PTPRT: variants seen among roughly 807,000 people sequenced by gnomAD.
PTPRT encodes the protein protein tyrosine phosphatase receptor type T.
Under a neutral mutation model 176.8 loss-of-function variants are expected in PTPRT, and 56 were observed. The ratio of observed to expected loss-of-function variants is 0.32; its 90% CI spans 0.26 to 0.40. The LOEUF (loss-of-function observed/expected upper bound fraction) is 0.40. Among genes scored for constraint, PTPRT ranks in the 10% least tolerant of loss-of-function variants. The pLI, the probability that PTPRT is intolerant of heterozygous loss-of-function variation, is 1.00. For missense variants in PTPRT, 1,540 were observed against 1,908.2 expected (o/e 0.81, Z 3.60); for synonymous variants, 783 against 739.0 (o/e 1.06, Z -0.96).
At chr20:42,754,815 C>A (rs991757251) in intron 6 of PTPRT, among the ~76,000 whole-genome samples, 2 of 152,058 alleles carry the variant, frequency 1.3e-5, no homozygotes, top group Admixed American at 6.6e-5. Context: ...TTCTATCAGT[C>A]CACACATTTT....
At chr20:42,785,416 C>T (rs973086896) in intron 3 of PTPRT, among the ~76,000 whole-genome samples, 1 of 152,164 alleles carries the variant, frequency 6.6e-6, no homozygotes, top group Admixed American at 6.5e-5. Flanking sequence ...ATGTACAGGA[C>T]CAGAGCTCCA....
intron 1 of PTPRT, among the ~76,000 whole-genome samples, chr20:43,031,951 T>A (rs533473371): frequency 2.6e-5 from 4 of 152,060 alleles, no homozygotes; most frequent in Non-Finnish European, 4.4e-5. Flanking sequence ...CCTGCCCCAG[T>A]CAAGGCAGAA....
rs2015401965 is a variant in PTPRT, at chr20:43,186,680, G to A, written c.88+2966C>T. On this transcript the variant is annotated intron_variant, in intron 1 of 30. Transcript: ENST00000373187. Reference sequence around the variant, plus strand: ...CAAGAATATGGTCTGCTTTTACTATGTGTTTGCGATTGTTGCTGGAACAGA... The same window carrying A: ...CAAGAATATGGTCTGCTTTTACTATATGTTTGCGATTGTTGCTGGAACAGA... Among the ~76,000 whole-genome samples the A allele has an allele frequency of 2.6e-5, 4 of 152,152 alleles. No individual in the cohort carries two copies. In the South Asian group the frequency reaches 8.3e-4, roughly 32 times the overall value.
At chr20:42,430,132 T>G (rs78869849) in intron 9 of PTPRT, among the ~76,000 whole-genome samples, 355 of 152,308 alleles carry the variant, frequency 2.3e-3, no homozygotes, top group African/African-American at 8.1e-3. Flanking sequence ...GTTTCTCTGA[T>G]TCTAACCCAT....
chr20:42,686,993 G>A (rs1222871985), intron 6 of PTPRT, among the ~76,000 whole-genome samples: 1 of 152,134 alleles, frequency 6.6e-6, no homozygotes, highest in African/African-American at 2.4e-5. Flanking sequence ...CCTGTAAACT[G>A]GGGATATAGT....
intron 9 of PTPRT, among the ~76,000 whole-genome samples, chr20:42,413,979 G>C (rs1013209570): frequency 6.6e-6 from 1 of 152,054 alleles, no homozygotes; most frequent in Non-Finnish European, 1.5e-5. Flanking sequence ...TCCTCCCGAG[G>C]AGCCACCATG....
At chr20:43,043,202 A>G (rs1986699149) in intron 1 of PTPRT, among the ~76,000 whole-genome samples, 1 of 152,142 alleles carries the variant, frequency 6.6e-6, no homozygotes, top group African/African-American at 2.4e-5. Flanking sequence ...AATACACTGT[A>G]TCTGGCAGGG....
intron 1 of PTPRT, among the ~76,000 whole-genome samples, chr20:42,889,528 G>A (rs544449112): frequency 9.2e-5 from 14 of 152,214 alleles, no homozygotes; most frequent in Non-Finnish European, 1.5e-4. Context: ...ATTCAGGACA[G>A]AAAATGGGGA....
At chr20:42,203,366 G>A (rs1419559122) in intron 15 of PTPRT, among the ~76,000 whole-genome samples, 2 of 151,858 alleles carry the variant, frequency 1.3e-5, no homozygotes, top group African/African-American at 4.8e-5. Flanking sequence ...CTGTGAATAG[G>A]GCAAACAAGA....
chr20:42,982,856 T>C (rs1983360858), intron 1 of PTPRT, among the ~76,000 whole-genome samples: 1 of 152,194 alleles, frequency 6.6e-6, no homozygotes, highest in Non-Finnish European at 1.5e-5. Flanking sequence ...CAGGCACAAT[T>C]CCTCTGTGCC....
chr20:42,762,762 A>G (rs979418000), intron 5 of PTPRT, among the ~76,000 whole-genome samples: 4 of 152,360 alleles, frequency 2.6e-5, no homozygotes, highest in South Asian at 2.1e-4. Flanking sequence ...GGAGGGATAC[A>G]TGTTCTAAAT....
intron 9 of PTPRT, among the ~76,000 whole-genome samples, chr20:42,429,114 G>C (rs748049361): frequency 6.6e-6 from 1 of 152,144 alleles, no homozygotes; most frequent in Non-Finnish European, 1.5e-5. Flanking sequence ...TAGTAGTCAG[G>C]TCATCTCAGG....
Position 42,431,923 on chromosome 20 carries a change from A to C in PTPRT, c.1560+16297T>G, listed in dbSNP as rs145843455. The stretch of plus-strand genomic sequence containing the variant: ...AGTGGTAACACAGGTAAGCATCATC[A>C]AAAAGAACTGCCTCTCACAACAGCA... On this transcript the variant is annotated intron_variant, in intron 9 of 30. Transcript: ENST00000373187. 3.4e-3 allele frequency among the ~76,000 whole-genome samples: 512 copies of C among 152,298 alleles called. 4 individuals carry two copies. The highest frequency in any genetic ancestry group is 0.012 in the African/African-American group (494 of 41,568).
chr20:42,824,908 T>C, intron 2 of PTPRT, among the ~76,000 whole-genome samples: 1 of 152,060 alleles, frequency 6.6e-6, no homozygotes, highest in South Asian at 2.1e-4. Flanking sequence ...AAGCTTATAA[T>C]ATACATATAT....
Position 42,968,253 on chromosome 20 carries a change from C to T in PTPRT, c.89-82321G>A, listed in dbSNP as rs1008705566. Among the ~76,000 whole-genome samples the T allele has an allele frequency of 2.0e-5, 3 of 152,184 alleles. No homozygotes were observed. The East Asian group carries it at 5.8e-4, about 29-fold the overall frequency. On this transcript the variant is annotated intron_variant, in intron 1 of 30. Transcript: ENST00000373187. ...TTGTCGATAGCCCACTCCTGAGTTA[C>T]AGCAACAACGGCCACCTGACTCCAC...
At chr20:42,409,680 C>T (rs77499514) in intron 9 of PTPRT, among the ~76,000 whole-genome samples, 3,560 of 152,182 alleles carry the variant, frequency 0.023, 139 homozygotes, top group East Asian at 0.16. Flanking sequence ...GGAAATATAA[C>T]GGAACTAAGA....
rs1285069447 is a variant in PTPRT at position 42,379,396 on chromosome 20, A to G, written c.1561-27111T>C. Among the ~76,000 whole-genome samples the G allele has an allele frequency of 2.0e-5, 3 of 152,268 alleles. 1 individual carries two copies. Among genetic ancestry groups the G allele is most frequent in the African/African-American group, 7.2e-5 (3 of 41,474 alleles). On this transcript the variant is annotated intron_variant, in intron 9 of 30. Coordinates refer to ENST00000373187, the MANE Select transcript of PTPRT (RefSeq NM_007050.6). ...TTTAATCATAACAGAAGAGGAAAAC[A>G]AAGAAAAATGAGTGGGAGTGCCTTG...
intron 8 of PTPRT, among the ~76,000 whole-genome samples, chr20:42,450,033 A>T (rs2070800281): frequency 6.6e-6 from 1 of 152,246 alleles, no homozygotes; most frequent in Non-Finnish European, 1.5e-5. Context: ...CACTAAAGAA[A>T]TTGCAGGCTT....
At chr20:42,531,389 G>A (rs2072381229) in intron 7 of PTPRT, among the ~76,000 whole-genome samples, 1 of 152,192 alleles carries the variant, frequency 6.6e-6, no homozygotes, top group African/African-American at 2.4e-5. Flanking sequence ...GAGAAAGAAA[G>A]GAGGTTTCTA....
Sources: gnomAD v4.1 joint callset for allele counts (sites outside exome capture counted in the v4.1 genomes callset) on GRCh38, gnomAD v4.1.1 for gene constraint, MANE v1.5 for transcripts, NCBI Gene and HGNC (gene_info 2026-07-23, HGNC 2026-07-21) for gene names.